ZNF546: variants seen among roughly 807,000 people sequenced by gnomAD.
ZNF546 encodes the protein zinc finger protein 546, also known as CTC-471F3.6.
In ZNF546, 60 loss-of-function variants were observed where a neutral mutation model predicts 76.2. The observed-to-expected ratio is 0.79, with a 90% CI of 0.64 to 0.98. The LOEUF (loss-of-function observed/expected upper bound fraction) is 0.98. Ranked by LOEUF, ZNF546 falls within the 50% of genes least tolerant of loss-of-function variation. ZNF546 has a pLI of 0.00. For synonymous variants in ZNF546, 277 were observed against 328.1 expected, an observed-to-expected ratio of 0.84 and a Z score of 1.68; for missense variants, 936 against 1,035.6, an observed-to-expected ratio of 0.90 and a Z score of 1.32.
rs1323173276 is a variant in ZNF546, at chr19:40,020,385, CAAT to C, written c.*4608_*4610del. The C allele has an allele frequency of 2.6e-5, 4 of 152,162 alleles. No individual in the cohort carries two copies. The highest frequency in any genetic ancestry group is 2.1e-4 in the South Asian group (1 of 4,820). The allele number at this position is 152,162 out of a possible 1,614,324, so 9.4% of individuals were successfully genotyped here. ...ATTTGCAAATTATTTTTACAAATAACAATAATTGGATGTAACAAAAAGCAGAGT... is the reference window on the plus strand; with the variant it reads ...ATTTGCAAATTATTTTTACAAATAACAATTGGATGTAACAAAAAGCAGAGT... On this transcript the variant is annotated 3_prime_UTR_variant, in exon 7 of 7. Transcript: ENST00000347077.
chr19:40,009,995 T>C (rs530590387), intron 6 of ZNF546, among the ~76,000 whole-genome samples: 75 of 152,298 alleles, frequency 4.9e-4, no homozygotes, highest in Non-Finnish European at 8.7e-4. Flanking sequence ...CATGTAAAAT[T>C]CTTGGTATAG....
chr19:40,011,549 T>A (rs1568387110), intron 6 of ZNF546, among the ~76,000 whole-genome samples: 1 of 152,186 alleles, frequency 6.6e-6, no homozygotes, highest in Non-Finnish European at 1.5e-5. Flanking sequence ...TGGTTTTAGA[T>A]TTTTACATTT....
At position 40,014,190 on chromosome 19, in the gene ZNF546, G is replaced by C. The variant is rs1270920869; in HGVS notation, c.920G>C (p.Gly307Ala). ...AAACCCTACGAGTGTAAGGAATGTG[G>C]GAAAGCCTTTAGTCGTGTTAGAGAC... The part of the protein sequence containing the change: ...GVKPYECKEC[G>A]KAFSRVRDLR... The change falls in exon 7 of 7, where the codon GGG becomes GCG. Residue 307 changes from glycine (G) to alanine (A), a missense_variant. Coordinates refer to ENST00000347077, the MANE Select transcript of ZNF546 (RefSeq NM_178544.5). 1 of 1,613,664 alleles carries C rather than the reference G, an allele frequency of 6.2e-7. No individual in the cohort carries two copies. Among genetic ancestry groups the C allele is most frequent in the African/African-American group, 1.3e-5 (1 of 74,868 alleles).
rs1971598362 is a variant in ZNF546 at position 40,006,090 on chromosome 19, C to G, written c.85-6C>G. On this transcript the variant is annotated splice_polypyrimidine_tract_variant and splice_region_variant and intron_variant, in intron 3 of 6. Coordinates refer to ENST00000347077, the MANE Select transcript of ZNF546 (RefSeq NM_178544.5). ...TGGTCTCAGAGTCACTTGTTCTTCC[C>G]CCCAGCCCCGGTTTCTCTGGATTCT... 1 of 1,613,514 alleles carries G rather than the reference C, an allele frequency of 6.2e-7. No individual in the cohort carries two copies.
intron 4 of ZNF546, among the ~76,000 whole-genome samples, chr19:40,006,681 A>G (rs1971606500): frequency 6.6e-6 from 1 of 152,214 alleles, no homozygotes; most frequent in Admixed American, 6.5e-5. Context: ...CCAATCCCTA[A>G]TGATGGCTGG....
At chr19:40,011,849 C>G (rs1971675382) in intron 6 of ZNF546, among the ~76,000 whole-genome samples, 1 of 152,198 alleles carries the variant, frequency 6.6e-6, no homozygotes, top group African/African-American at 2.4e-5. Flanking sequence ...TCATGGCACC[C>G]TCTCTTGATC....
At position 40,014,845 on chromosome 19, in the gene ZNF546, C is replaced by G; in HGVS notation, c.1575C>G (p.Tyr525Ter). 6.2e-7 allele frequency: 1 copy of G among 1,613,068 alleles called. No homozygotes were observed. Among genetic ancestry groups the G allele is most frequent in the Admixed American group, 1.7e-5 (1 of 59,940 alleles). ...GAATTCATACTGGTGAGAAACCCTA[C>G]ATATGTAACGAATGTGGAAAAGCCT... Reference protein sequence around the residue: ...HYRIHTGEKPYICNECGKAFR... With the variant: ...HYRIHTGEKP The change falls in exon 7 of 7, where the codon TAC (tyrosine) becomes TAG (stop). Residue 525 changes from tyrosine to a stop codon, truncating the protein, a stop_gained. Coordinates refer to ENST00000347077, the MANE Select transcript of ZNF546 (RefSeq NM_178544.5). LOFTEE classifies it high-confidence loss of function.
intron 6 of ZNF546, among the ~76,000 whole-genome samples, chr19:40,012,173 G>A (rs185568201): frequency 5.9e-5 from 9 of 152,236 alleles, no homozygotes; most frequent in African/African-American, 2.2e-4. Context: ...ACTTGAGTTG[G>A]GACAGAGACA....
In ZNF546 at chr19:40,020,959, A is replaced by C. The variant is rs1233490986; in HGVS notation, c.*5178A>C. On this transcript the variant is annotated 3_prime_UTR_variant, in exon 7 of 7. Transcript: ENST00000347077. The stretch of plus-strand genomic sequence containing the variant: ...TTTTTATTTGAACGTACTATAATGA[A>C]TTTAAACTTTCATTGGTATTTATGT... 6.6e-6 allele frequency: 1 copy of C among 152,218 alleles called. No homozygotes were observed. Among genetic ancestry groups the C allele is most frequent in the African/African-American group, 2.4e-5 (1 of 41,476 alleles). 9.4% of individuals were successfully genotyped at this position (152,218 alleles called of 1,614,324 possible). A position where few individuals can be genotyped will look rare whatever the true frequency, so the allele number is the denominator to read the frequency against.
chr19:40,017,082 A>G lies in ZNF546; in HGVS notation c.*1301A>G, dbSNP rs10425713. On this transcript the variant is annotated 3_prime_UTR_variant, in exon 7 of 7. Transcript: ENST00000347077. ...CTGTGGGTGTAAGAAATTTGTAAAA[A>G]CTGTCCATTACCTTTCACTCCTTAT... The G allele has an allele frequency of 3.2e-3, 490 of 152,338 alleles. 4 individuals are homozygous for G. The highest frequency in any genetic ancestry group is 0.011 in the African/African-American group (465 of 41,578). The allele number at this position is 152,338 out of a possible 1,614,324, so 9.4% of individuals were successfully genotyped here.
intron 1 of ZNF546, 107 bp downstream of exon 1, chr19:39,997,264 A>C (rs1020921905): frequency 1.3e-5 from 2 of 152,704 alleles, no homozygotes; most frequent in African/African-American, 4.8e-5. Context: ...AGGGAGCCTC[A>C]GGCCTGTGCG....
rs144973655 is a variant in ZNF546 at position 40,013,847 on chromosome 19, G to T, written c.577G>T (p.Val193Phe). 27 of 1,609,902 alleles carry T rather than the reference G, an allele frequency of 1.7e-5. No individual in the cohort carries two copies. Among genetic ancestry groups the T allele is most frequent in the Non-Finnish European group, 2.1e-5 (25 of 1,178,568 alleles). ...ERQERHQMGC[V>F]SQMLIQKQIS... ...ACAAGAGAGACATCAGATGGGATGC[G>T]TTAGTCAAATGCTAATCCAAAAACA... Residue 193 changes from valine to phenylalanine, a missense_variant, in exon 7 of 7, where the codon GTT becomes TTT. Physicochemically the swap from Val to Phe is conservative, Grantham distance 50. Coordinates refer to ENST00000347077, the MANE Select transcript of ZNF546 (RefSeq NM_178544.5).
intron 6 of ZNF546, among the ~76,000 whole-genome samples, chr19:40,010,280 G>A (rs1378260189): frequency 1.3e-5 from 2 of 151,986 alleles, no homozygotes; most frequent in South Asian, 2.1e-4. Context: ...ACAGGCATCT[G>A]TAATCCCAGC....
At position 40,010,032 on chromosome 19, in the gene ZNF546, A is replaced by ACT. The variant is rs146251608; in HGVS notation, c.394+1468_394+1469dup. On this transcript the variant is annotated intron_variant, in intron 6 of 6. Coordinates refer to ENST00000347077, the MANE Select transcript of ZNF546 (RefSeq NM_178544.5). ...CTTATGCTTTCATTTATCTTGGGTA[A>ACT]CTGTCTGGGGTAGAATGGGTAGATC... is the stretch of plus-strand genomic sequence containing the variant. 1.6e-3 allele frequency among the ~76,000 whole-genome samples: 251 copies of ACT among 152,268 alleles called. 1 individual carries two copies. The highest frequency in any genetic ancestry group is 6.0e-3 in the African/African-American group (250 of 41,554).
intron 3 of ZNF546, among the ~76,000 whole-genome samples, chr19:40,005,612 G>C (rs183776339): frequency 1.0e-3 from 156 of 151,848 alleles, no homozygotes; most frequent in Non-Finnish European, 2.0e-3. Flanking sequence ...TTAGTGAATT[G>C]CTCATGCTTA....
chr19:40,015,474 A>G lies in ZNF546; in HGVS notation c.2204A>G (p.His735Arg), dbSNP rs756995883. 1.2e-6 allele frequency: 2 copies of G among 1,614,230 alleles called. No individual in the cohort carries two copies. The highest frequency in any genetic ancestry group is 1.7e-6 in the Non-Finnish European group (2 of 1,180,028). Residue 735 changes from histidine to arginine, a missense_variant, in exon 7 of 7, where the codon CAT becomes CGT. Physicochemically the swap from His to Arg is conservative, Grantham distance 29. Coordinates refer to ENST00000347077, the MANE Select transcript of ZNF546 (RefSeq NM_178544.5). Reference sequence around the variant, plus strand: ...GGAAAGACCTTTAGTCGTCGGTATCATCTTACTCAACATTTTAGACTTCAT... The same window carrying G: ...GGAAAGACCTTTAGTCGTCGGTATCGTCTTACTCAACATTTTAGACTTCAT... Reference protein sequence around the residue: ...ECGKTFSRRYHLTQHFRLHTG... With the variant: ...ECGKTFSRRYRLTQHFRLHTG...
At chr19:40,006,515 G>C (rs143770492) in intron 4 of ZNF546, among the ~76,000 whole-genome samples, 1 of 152,326 alleles carries the variant, frequency 6.6e-6, no homozygotes, top group East Asian at 1.9e-4. Context: ...GAATTTCCAA[G>C]GGATGAATAA....
chr19:40,005,590 ATGC>A (rs1971593377), intron 3 of ZNF546, among the ~76,000 whole-genome samples: 1 of 151,978 alleles, frequency 6.6e-6, no homozygotes, highest in African/African-American at 2.4e-5. Context: ...GGTGGATGAT[ATGC>A]TGCTATTTTT....
Position 40,014,476 on chromosome 19 carries a change from A to G in ZNF546, c.1206A>G (p.Gln402=). 6.2e-7 allele frequency: 1 copy of G among 1,614,126 alleles called. No homozygotes were observed. ...TTAGTCATGGCTCATACCTTGTTCA[A>G]CATCAGAAAATTCATACTGGTGAAA... ...KAFSHGSYLV[Q]HQKIHTGEKP... Residue 402 remains glutamine, a synonymous_variant, in exon 7 of 7, where the codon CAA becomes CAG. Transcript: ENST00000347077.
Sources: gnomAD v4.1 joint callset for allele counts (sites outside exome capture counted in the v4.1 genomes callset) on GRCh38, gnomAD v4.1.1 for gene constraint, MANE v1.5 for transcripts, NCBI Gene and HGNC (gene_info 2026-07-23, HGNC 2026-07-21) for gene names.